The following TSHZ3 variants were observed in gnomAD, a reference collection of about 807,000 sequenced individuals.
The protein encoded by TSHZ3 is teashirt homolog 3.
In TSHZ3, 10 loss-of-function variants were observed where a neutral mutation model predicts 64.5. That is an observed-to-expected ratio of 0.16 (90% CI 0.10 to 0.26). TSHZ3 has a LOEUF of 0.26. Among genes scored for constraint, TSHZ3 ranks in the 10% least tolerant of loss-of-function variants. The pLI is 1.00. For synonymous variants in TSHZ3, 608 were observed against 593.1 expected (o/e 1.03, Z -0.36); for missense variants, 1,242 against 1,421.7 (o/e 0.87, Z 2.03).
downstream of TSHZ3, among the ~76,000 whole-genome samples, chr19:31,274,757 T>C (rs1423538630): frequency 6.6e-6 from 1 of 151,816 alleles, no homozygotes; most frequent in Non-Finnish European, 1.5e-5. Context: ...TGCCTCTGAG[T>C]AAGTGCTCCC....
intron 4 of TSHZ3, among the ~76,000 whole-genome samples, chr19:31,219,098 G>A (rs1975368117): frequency 6.6e-6 from 1 of 152,198 alleles, no homozygotes; most frequent in African/African-American, 2.4e-5. Flanking sequence ...AGACTTAAGG[G>A]AAGTTCTTCG....
intron 1 of TSHZ3, among the ~76,000 whole-genome samples, chr19:31,246,223 G>T (rs569489024): frequency 6.6e-5 from 10 of 152,172 alleles, no homozygotes; most frequent in Non-Finnish European, 8.8e-5. Flanking sequence ...TAATTTCTGT[G>T]GGTGTATAAG....
At chr19:31,175,218 G>T (rs887703642) in intron 5 of TSHZ3, among the ~76,000 whole-genome samples, 1 of 152,166 alleles carries the variant, frequency 6.6e-6, no homozygotes, top group Non-Finnish European at 1.5e-5. Flanking sequence ...GCCAGCCCTC[G>T]GCCGGGAATT....
At chr19:31,225,652 C>T (rs928143156) in intron 4 of TSHZ3, among the ~76,000 whole-genome samples, 3 of 152,142 alleles carry the variant, frequency 2.0e-5, no homozygotes, top group Admixed American at 6.5e-5. Flanking sequence ...AGGTGAAGTT[C>T]GCCCTTCTCC....
rs576410257 is a variant in TSHZ3 at position 31,336,576 on chromosome 19, T to C, written c.40+12604A>G. ...CTTCATGTTTTAAAAAATCCGGTTA[T>C]CTAAGGAACGAAGTTTCAGACCCAC... On this transcript the variant is annotated intron_variant, in intron 1 of 1. Coordinates refer to ENST00000240587, the MANE Select transcript of TSHZ3 (RefSeq NM_020856.4). Among the ~76,000 whole-genome samples, 4 of 152,286 alleles carry C rather than the reference T, an allele frequency of 2.6e-5. No individual in the cohort carries two copies. In the East Asian group the frequency reaches 7.7e-4, roughly 29 times the overall value.
chr19:31,277,289 G>T lies in TSHZ3; in HGVS notation c.2504C>A (p.Ser835Ter). The T allele has an allele frequency of 6.2e-7, 1 of 1,613,904 alleles. No individual in the cohort carries two copies. The highest frequency in any genetic ancestry group is 1.1e-5 in the South Asian group (1 of 91,078). The change falls in exon 2 of 2, where the codon TCA becomes TAA. Residue 835 changes from serine (S) to a stop codon, truncating the protein, a stop_gained. Coordinates refer to ENST00000240587, the MANE Select transcript of TSHZ3 (RefSeq NM_020856.4). LOFTEE classifies it high-confidence loss of function. The surrounding 1 kb of genome is among the most constrained non-coding windows in gnomAD (Gnocchi z 4.5). ...AKTSAVVSFM[S>*]NSPLRENALS... ...GGCATTCTCGCGTAGCGGCGAGTTT[G>T]ACATGAATGATACGACGGCAGATGT...
At chr19:31,199,400 C>CAAAAAAAAAAAAAAAA (rs61428496) in intron 5 of TSHZ3, among the ~76,000 whole-genome samples, 19 of 98,574 alleles carry the variant, frequency 1.9e-4, no homozygotes, top group East Asian at 2.9e-4. Flanking sequence ...GAGACTCCGC[C>CAAAAAAAAAAAAAAAA]AAAAAAAAAA....
At chr19:31,186,316 G>T (rs753505804) in intron 5 of TSHZ3, among the ~76,000 whole-genome samples, 2 of 152,136 alleles carry the variant, frequency 1.3e-5, no homozygotes, top group Non-Finnish European at 2.9e-5. Flanking sequence ...ATGTGTCACG[G>T]GAAGGACCTG....
exon 7 of TSHZ3, among the ~76,000 whole-genome samples, chr19:31,151,664 G>A (rs546190875): frequency 2.6e-5 from 4 of 152,276 alleles, no homozygotes; most frequent in African/African-American, 9.6e-5. Context: ...GATGGTTCAG[G>A]AAGAACTCAG....
At chr19:31,325,432 T>C (rs1367647132) in intron 1 of TSHZ3, among the ~76,000 whole-genome samples, 1 of 152,238 alleles carries the variant, frequency 6.6e-6, no homozygotes, top group Non-Finnish European at 1.5e-5. Context: ...GGGATTCATA[T>C]GCTTTCATAT....
intron 5 of TSHZ3, among the ~76,000 whole-genome samples, chr19:31,179,177 G>C (rs1012339526): frequency 1.3e-5 from 2 of 152,064 alleles, no homozygotes; most frequent in Non-Finnish European, 2.9e-5. Flanking sequence ...AGCAAGGGAA[G>C]ATAAAACACT....
At chr19:31,250,448 G>A (rs928508094) in intron 1 of TSHZ3, among the ~76,000 whole-genome samples, 2 of 152,180 alleles carry the variant, frequency 1.3e-5, no homozygotes, top group African/African-American at 4.8e-5. Flanking sequence ...CACACAGGTA[G>A]AGAATACATC....
intron 1 of TSHZ3, among the ~76,000 whole-genome samples, chr19:31,285,119 C>T (rs1976433011): frequency 6.6e-6 from 1 of 152,152 alleles, no homozygotes; most frequent in African/African-American, 2.4e-5. Flanking sequence ...GGAGGAGACA[C>T]CCCAGTCGGT....
intron 1 of TSHZ3, among the ~76,000 whole-genome samples, chr19:31,285,764 A>G (rs1976449113): frequency 7.4e-6 from 1 of 135,342 alleles, no homozygotes; most frequent in Admixed American, 8.0e-5. Context: ...CCTGGGCAGC[A>G]GAGCAAGCCA....
chr19:31,181,517 C>G (rs916649108), intron 5 of TSHZ3, among the ~76,000 whole-genome samples: 2 of 152,090 alleles, frequency 1.3e-5, no homozygotes, highest in African/African-American at 4.8e-5. Flanking sequence ...AGAGAACCAC[C>G]GTAGTGGCTT....
chr19:31,300,073 T>A (rs563437258), intron 1 of TSHZ3, among the ~76,000 whole-genome samples: 1 of 152,196 alleles, frequency 6.6e-6, no homozygotes, highest in Admixed American at 6.5e-5. Flanking sequence ...AGAGTGTGTG[T>A]GTGTGTGTGA....
Position 31,260,998 on chromosome 19 carries a change from G to A in TSHZ3, n.64-18123C>T, listed in dbSNP as rs370645789. 1.6e-4 allele frequency among the ~76,000 whole-genome samples: 25 copies of A among 152,296 alleles called. No individual in the cohort carries two copies. In the South Asian group the frequency reaches 3.3e-3, roughly 20 times the overall value. On this transcript the variant is annotated intron_variant and non_coding_transcript_variant, in intron 1 of 6. Transcript: ENST00000651361. ...AGAAGGCCAATTTTGAATGCGGGGCGTGGTGGCCAGGGAAGGATGCCTGCA... is the reference window on the plus strand; with the variant it reads ...AGAAGGCCAATTTTGAATGCGGGGCATGGTGGCCAGGGAAGGATGCCTGCA...
intron 1 of TSHZ3, among the ~76,000 whole-genome samples, chr19:31,337,720 AACAC>A (rs372251116): frequency 5.3e-4 from 78 of 146,066 alleles, no homozygotes; most frequent in Admixed American, 9.5e-4. Context: ...TTTCAAAATA[AACAC>A]ACACACACAC....
intron 4 of TSHZ3, among the ~76,000 whole-genome samples, chr19:31,208,523 A>T (rs1445712422): frequency 6.6e-6 from 1 of 152,234 alleles, no homozygotes; most frequent in East Asian, 1.9e-4. Context: ...AATTGTGAGC[A>T]GATAAAAACA....
Sources: gnomAD v4.1 joint callset for allele counts (sites outside exome capture counted in the v4.1 genomes callset) on GRCh38, gnomAD v4.1.1 for gene constraint, Gnocchi (gnomAD v3.1) non-coding constraint, MANE v1.5 for transcripts, NCBI Gene and HGNC (gene_info 2026-07-23, HGNC 2026-07-21) for gene names.